GSTA1: variants seen among roughly 807,000 people sequenced by gnomAD.
GSTA1 encodes the protein glutathione S-transferase alpha 1.
Under a neutral mutation model 21.5 loss-of-function variants are expected in GSTA1, and 23 were observed. The observed-to-expected ratio is 1.07, with a 90% CI of 0.77 to 1.52. The LOEUF (loss-of-function observed/expected upper bound fraction) is 1.52, where lower values mean the gene tolerates loss of function less well. GSTA1 is among the 40% of genes most tolerant of loss of function. The probability of loss-of-function intolerance (pLI) is 0.00; values close to 1 mark genes in which losing one functional copy is unlikely to be tolerated. For synonymous variants in GSTA1, 125 were observed against 90.0 expected, an observed-to-expected ratio of 1.39 and a Z score of -2.20; for missense variants, 301 against 264.2, an observed-to-expected ratio of 1.14 and a Z score of -0.96.
At chr6:52,801,070 A>T (rs555458740) in intron 1 of GSTA1, among the ~76,000 whole-genome samples, 1 of 152,036 alleles carries the variant, frequency 6.6e-6, no homozygotes, top group Admixed American at 6.5e-5. Context: ...TAGTGGAGAC[A>T]GGGTTTCAGC....
intron 1 of GSTA1, among the ~76,000 whole-genome samples, chr6:52,802,637 A>C (rs530063876): frequency 2.0e-4 from 30 of 152,220 alleles, no homozygotes; most frequent in African/African-American, 5.8e-4. Flanking sequence ...ATATGTATCT[A>C]TTTATAATCT....
intron 3 of GSTA1, among the ~76,000 whole-genome samples, chr6:52,796,547 T>A (rs866004025): frequency 0.032 from 2,309 of 71,300 alleles, 214 homozygotes; most frequent in African/African-American, 0.093. Context: ...ATATATATTT[T>A]TTTTTTTTTT....
At chr6:52,802,694 A>T (rs1279513812) in intron 1 of GSTA1, among the ~76,000 whole-genome samples, 2 of 152,082 alleles carry the variant, frequency 1.3e-5, no homozygotes, top group African/African-American at 2.4e-5. Context: ...CAATCGTTCT[A>T]TGTATCTATC....
In GSTA1 at chr6:52,794,179, C is replaced by G. The variant is rs1339720639; in HGVS notation, c.360G>C (p.Lys120Asn). ...PVCPPEEKDA[K>N]LALIKEKIKN... The stretch of plus-strand genomic sequence containing the variant: ...TTATTTTCTCTTTGATCAAGGCAAG[C>G]TTGGCATCTTTTTCCTCAGGTGGAC... The change falls in exon 5 of 7, where the codon AAG (lysine) becomes AAC (asparagine). Residue 120 changes from lysine (K) to asparagine (N), a missense_variant. Physicochemically the swap from Lys to Asn is moderately conservative, Grantham distance 94. Transcript: ENST00000334575. 3.1e-6 allele frequency: 5 copies of G among 1,613,986 alleles called. No individual in the cohort carries two copies. The highest frequency in any genetic ancestry group is 4.2e-6 in the Non-Finnish European group (5 of 1,179,968).
intron 6 of GSTA1, 56 bp from the exon 7 acceptor site, chr6:52,792,036 A>T: frequency 6.8e-6 from 11 of 1,606,438 alleles, no homozygotes; most frequent in Non-Finnish European, 9.3e-6. Flanking sequence ...ACCACCATTA[A>T]CATGACCCAG....
At position 52,792,894 on chromosome 6, in the gene GSTA1, G is replaced by A; in HGVS notation, c.508C>T (p.Leu170Phe). The stretch of plus-strand genomic sequence containing the variant: ...AAGCTGGAGATAAGACTGGAGTCAA[G>A]CTCCTCGACGTAGTAGAGAAGTTCC... ...LVELLYYVEE[L>F]DSSLISSFPL... The change falls in exon 6 of 7, where the codon CTT becomes TTT. Residue 170 changes from leucine to phenylalanine, a missense_variant. Coordinates refer to ENST00000334575, the MANE Select transcript of GSTA1 (RefSeq NM_145740.5). 1 of 1,614,110 alleles carries A rather than the reference G, an allele frequency of 6.2e-7. No individual in the cohort carries two copies. The highest frequency in any genetic ancestry group is 8.5e-7 in the Non-Finnish European group (1 of 1,179,994).
intron 2 of GSTA1, among the ~76,000 whole-genome samples, chr6:52,798,117 G>A (rs1262108451): frequency 6.6e-6 from 1 of 152,232 alleles, no homozygotes; most frequent in Non-Finnish European, 1.5e-5. Context: ...CCTGCTAAGT[G>A]TGAAATAGGT....
intron 1 of GSTA1, among the ~76,000 whole-genome samples, chr6:52,802,236 A>G (rs1581800065): frequency 6.6e-6 from 1 of 152,190 alleles, no homozygotes; most frequent in African/African-American, 2.4e-5. Context: ...AAGGAATATA[A>G]GCTCTCATAA....
intron 1 of GSTA1, among the ~76,000 whole-genome samples, chr6:52,799,881 C>T (rs1763673458): frequency 6.6e-6 from 1 of 152,210 alleles, no homozygotes; most frequent in African/African-American, 2.4e-5. Context: ...GAGGATGTCA[C>T]TGACAGGGAG....
chr6:52,792,928 A>G lies in GSTA1; in HGVS notation c.474T>C (p.Ile158=). 1 of 1,614,086 alleles carries G rather than the reference A, an allele frequency of 6.2e-7. No homozygotes were observed. The highest frequency in any genetic ancestry group is 8.5e-7 in the Non-Finnish European group (1 of 1,179,992). ...CGTAGTAGAGAAGTTCCACCAGATG[A>G]ATGTCAGCCCGGCTCAGCTTGTTGC... The part of the protein sequence containing the change: ...LVGNKLSRAD[I]HLVELLYYVE... Residue 158 remains isoleucine, a synonymous_variant, in exon 6 of 7, where the codon ATT becomes ATC. Coordinates refer to ENST00000334575, the MANE Select transcript of GSTA1 (RefSeq NM_145740.5).
chr6:52,799,708 A>C (rs9474323), intron 1 of GSTA1, among the ~76,000 whole-genome samples: 148,392 of 152,308 alleles, frequency 0.97, 72,400 homozygotes, highest in East Asian at 1. Context: ...TTGTTATCTC[A>C]ATTTTTTAGT....
Position 52,791,462 on chromosome 6 carries a change from G to T in GSTA1, c.*396C>A, listed in dbSNP as rs1270763759. On this transcript the variant is annotated 3_prime_UTR_variant, in exon 7 of 7. Coordinates refer to ENST00000334575, the MANE Select transcript of GSTA1 (RefSeq NM_145740.5). Reference sequence around the variant, plus strand: ...ATGTCTTTATGCCATTATCCAGGATGGTAACTCTTCTCCTGTGCATACCTG... The same window carrying T: ...ATGTCTTTATGCCATTATCCAGGATTGTAACTCTTCTCCTGTGCATACCTG... Among the ~76,000 whole-genome samples, 1 of 152,206 alleles carries T rather than the reference G, an allele frequency of 6.6e-6. No individual in the cohort carries two copies. Among genetic ancestry groups the T allele is most frequent in the Non-Finnish European group, 1.5e-5 (1 of 68,034 alleles).
intron 3 of GSTA1, among the ~76,000 whole-genome samples, chr6:52,797,354 C>T (rs2608675): frequency 2.0e-5 from 3 of 152,104 alleles, no homozygotes; most frequent in Admixed American, 6.6e-5. Context: ...GCTTTCTCAG[C>T]GGTGGGAGAT....
rs1241711465 is a variant in GSTA1, at chr6:52,799,158, A to C, written c.87+23T>G. The C allele has an allele frequency of 3.1e-6, 5 of 1,606,092 alleles. No homozygotes were observed. The South Asian group carries it at 5.5e-5, about 18-fold the overall frequency. The stretch of plus-strand genomic sequence containing the variant: ...ATAACACAATTTTAAATCCAACTTA[A>C]GATGACCTAACTCAGAACCTACCTC... On this transcript the variant is annotated intron_variant, in intron 2 of 6. Coordinates refer to ENST00000334575, the MANE Select transcript of GSTA1 (RefSeq NM_145740.5).
intron 1 of GSTA1, among the ~76,000 whole-genome samples, chr6:52,803,179 A>C (rs980667700): frequency 6.6e-6 from 1 of 152,164 alleles, no homozygotes; most frequent in Non-Finnish European, 1.5e-5. Context: ...CTCCATTCAA[A>C]GAATTACACA....
At chr6:52,795,127 C>A (rs1455869507) in intron 4 of GSTA1, among the ~76,000 whole-genome samples, 1 of 152,006 alleles carries the variant, frequency 6.6e-6, no homozygotes, top group Non-Finnish European at 1.5e-5. Context: ...TTTCTCCAAG[C>A]CCCACTCCTT....
chr6:52,793,633 T>A (rs958197338), intron 5 of GSTA1, among the ~76,000 whole-genome samples: 3 of 152,190 alleles, frequency 2.0e-5, no homozygotes, highest in African/African-American at 4.8e-5. Context: ...AAATCCATTT[T>A]AAAAAATCTT....
intron 1 of GSTA1, among the ~76,000 whole-genome samples, chr6:52,802,741 C>A (rs1238435133): frequency 1.3e-5 from 2 of 152,132 alleles, no homozygotes; most frequent in African/African-American, 4.8e-5. Flanking sequence ...TATTATCTGT[C>A]TTGTATCCAT....
chr6:52,793,706 C>T (rs1485674110), intron 5 of GSTA1, among the ~76,000 whole-genome samples: 1 of 152,206 alleles, frequency 6.6e-6, no homozygotes, highest in Non-Finnish European at 1.5e-5. Context: ...CTACAGTATT[C>T]TCTGGTTGGG....
Sources: allele counts gnomAD v4.1 joint callset (sites outside exome capture counted in the v4.1 genomes callset), GRCh38; gene constraint gnomAD v4.1.1; transcripts MANE v1.5; gene names NCBI Gene and HGNC (gene_info 2026-07-23, HGNC 2026-07-21).